The following ELOVL2 variants were observed in gnomAD, a reference collection of about 807,000 sequenced individuals.
The protein encoded by ELOVL2 is ELOVL fatty acid elongase 2.
ELOVL2 carries 38 observed loss-of-function variants against 37.7 expected under a neutral mutation model. That is an observed-to-expected ratio of 1.01 (90% CI 0.78 to 1.32). The LOEUF is 1.32. Ranked by LOEUF, ELOVL2 falls within the 40% of genes most tolerant of loss-of-function variation. The probability of loss-of-function intolerance (pLI) is 0.00; values close to 1 mark genes in which losing one functional copy is unlikely to be tolerated. For missense variants in ELOVL2, 352 were observed against 363.6 expected (o/e 0.97, Z 0.26); for synonymous variants, 115 against 122.3 (o/e 0.94, Z 0.40).
chr6:10,992,786 C>CAAAAA (rs780478493), intron 5 of ELOVL2, among the ~76,000 whole-genome samples: 3 of 90,668 alleles, frequency 3.3e-5, no homozygotes, highest in South Asian at 4.4e-4. Context: ...GACTCCATCT[C>CAAAAA]AAAAAAAACA....
intron 4 of ELOVL2, among the ~76,000 whole-genome samples, chr6:10,998,266 A>G (rs1316990529): frequency 2.0e-5 from 3 of 152,194 alleles, no homozygotes; most frequent in Admixed American, 2.0e-4. Context: ...GTATTCCTTT[A>G]TAGCAATGCA....
chr6:11,005,342 G>T, intron 3 of ELOVL2, 30 bp downstream of exon 3: 2 of 1,589,360 alleles, frequency 1.3e-6, no homozygotes, highest in South Asian at 1.1e-5. Flanking sequence ...CTAGTTACTG[G>T]ACTTCAGCTT....
Position 11,039,508 on chromosome 6 carries a change from T to C in ELOVL2, c.3+4720A>G, listed in dbSNP as rs1305250460. ...TACATGTGATGTTTTGGTACATGTA[T>C]ACAATGTAATGATCAAGTTAGGGTA... On this transcript the variant is annotated intron_variant, in intron 1 of 7. Coordinates refer to ENST00000354666, the MANE Select transcript of ELOVL2 (RefSeq NM_017770.4). 3.3e-5 allele frequency among the ~76,000 whole-genome samples: 5 copies of C among 152,230 alleles called. No individual in the cohort carries two copies. In the East Asian group the frequency reaches 9.6e-4, roughly 29 times the overall value.
At position 11,044,098 on chromosome 6, in the gene ELOVL2, G is replaced by A; in HGVS notation, c.3+130C>T. 1 of 1,197,712 alleles carries A rather than the reference G, an allele frequency of 8.3e-7. No homozygotes were observed. Among genetic ancestry groups the A allele is most frequent in the South Asian group, 2.1e-5 (1 of 47,850 alleles). The allele number at this position is 1,197,712 out of a possible 1,614,324, so 74.2% of individuals were successfully genotyped here. ...CCCGCGCGGACCCGGCCCCTCCGAGGGTAGCGGGTTCCAGCGGCGAACCCG... is the reference window on the plus strand; with the variant it reads ...CCCGCGCGGACCCGGCCCCTCCGAGAGTAGCGGGTTCCAGCGGCGAACCCG... On this transcript the variant is annotated intron_variant, in intron 1 of 7. Transcript: ENST00000354666. The surrounding 1 kb of genome is among the most constrained non-coding windows in gnomAD (Gnocchi z 5.6).
intron 3 of ELOVL2, among the ~76,000 whole-genome samples, chr6:11,005,026 G>A (rs952090288): frequency 6.6e-6 from 1 of 152,138 alleles, no homozygotes; most frequent in African/African-American, 2.4e-5. Flanking sequence ...GGGCATGGTG[G>A]GGAGTACCTG....
At chr6:11,042,727 T>C (rs762006386) in intron 1 of ELOVL2, among the ~76,000 whole-genome samples, 3 of 151,360 alleles carry the variant, frequency 2.0e-5, no homozygotes, top group African/African-American at 4.9e-5. Context: ...CTGTCGGGAG[T>C]ATCTCCCTCC....
At chr6:11,009,796 G>C (rs1433875357) in intron 2 of ELOVL2, among the ~76,000 whole-genome samples, 1 of 152,114 alleles carries the variant, frequency 6.6e-6, no homozygotes, top group East Asian at 1.9e-4. Context: ...GAGAGCAGTG[G>C]GATGACACTG....
rs559879225 is a variant in ELOVL2, at chr6:11,019,892, C to T, written c.4-9083G>A. 9.9e-5 allele frequency among the ~76,000 whole-genome samples: 15 copies of T among 151,590 alleles called. 1 individual carries two copies. In the South Asian group the frequency reaches 2.7e-3, roughly 28 times the overall value. ...CTGAGTAGCTGAGAATACAGGTGTG[C>T]ACCACCACGCCCGGCCAATTTTTGT... is the stretch of plus-strand genomic sequence containing the variant. On this transcript the variant is annotated intron_variant, in intron 1 of 7. Transcript: ENST00000354666.
At chr6:10,998,139 C>T (rs1782307127) in intron 4 of ELOVL2, among the ~76,000 whole-genome samples, 1 of 152,154 alleles carries the variant, frequency 6.6e-6, no homozygotes, top group African/African-American at 2.4e-5. Context: ...CTTCACCTTC[C>T]ACCATGATTA....
intron 3 of ELOVL2, among the ~76,000 whole-genome samples, chr6:11,003,244 C>T (rs773906499): frequency 6.6e-6 from 1 of 152,096 alleles, no homozygotes; most frequent in Non-Finnish European, 1.5e-5. Context: ...CTATCAACCC[C>T]TCATCTAGGT....
intron 3 of ELOVL2, among the ~76,000 whole-genome samples, chr6:11,003,996 T>C (rs1782435382): frequency 6.6e-6 from 1 of 151,858 alleles, no homozygotes; most frequent in Non-Finnish European, 1.5e-5. Context: ...GGCAAGACAA[T>C]TGCTTGAACC....
chr6:11,042,188 C>T (rs1783108057), intron 1 of ELOVL2, among the ~76,000 whole-genome samples: 1 of 152,080 alleles, frequency 6.6e-6, no homozygotes, highest in Non-Finnish European at 1.5e-5. Flanking sequence ...TGACGTGCGC[C>T]TGTAATCCCA....
chr6:11,033,570 A>G (rs1444714845), intron 1 of ELOVL2, among the ~76,000 whole-genome samples: 2 of 152,230 alleles, frequency 1.3e-5, no homozygotes, highest in South Asian at 2.1e-4. Context: ...TTATGTTTCA[A>G]ATCAATGAAA....
chr6:11,021,413 A>C (rs1782763918), intron 1 of ELOVL2, among the ~76,000 whole-genome samples: 1 of 152,200 alleles, frequency 6.6e-6, no homozygotes, highest in Non-Finnish European at 1.5e-5. Flanking sequence ...TGGGGCTAGA[A>C]AATCTCAAGG....
chr6:10,992,470 C>T (rs1782180019), intron 5 of ELOVL2, among the ~76,000 whole-genome samples: 2 of 152,208 alleles, frequency 1.3e-5, no homozygotes, highest in African/African-American at 4.8e-5. Context: ...GAAGTCAATG[C>T]AGTGAGAATT....
intron 1 of ELOVL2, among the ~76,000 whole-genome samples, chr6:11,022,976 TA>T (rs1218346330): frequency 1.3e-5 from 2 of 152,236 alleles, no homozygotes; most frequent in African/African-American, 2.4e-5. Flanking sequence ...TTCAAGTGAA[TA>T]AAATGAAATC....
chr6:10,982,251 T>C lies in ELOVL2; in HGVS notation c.*1530A>G, dbSNP rs1374819393. 5 of 151,918 alleles carry C rather than the reference T, an allele frequency of 3.3e-5. No homozygotes were observed. Among genetic ancestry groups the C allele is most frequent in the Admixed American group, 3.3e-4 (5 of 15,250 alleles). The allele number at this position is 151,918 out of a possible 1,614,324, so 9.4% of individuals were successfully genotyped here. ...CAGTTTACATGAAATAAAAGTACAA[T>C]TTTTTTAACAGGAGAAAGTTTAAAA... On this transcript the variant is annotated 3_prime_UTR_variant, in exon 8 of 8. Transcript: ENST00000354666.
At chr6:11,027,282 AG>A (rs1782853814) in intron 1 of ELOVL2, among the ~76,000 whole-genome samples, 1 of 152,202 alleles carries the variant, frequency 6.6e-6, no homozygotes, top group Non-Finnish European at 1.5e-5. Context: ...TGCATGGTCC[AG>A]AGTCTTTGTT....
At chr6:10,994,484 G>GAAAAGA (rs1782228400) in intron 5 of ELOVL2, among the ~76,000 whole-genome samples, 1 of 35,816 alleles carries the variant, frequency 2.8e-5, no homozygotes, top group Non-Finnish European at 4.7e-5. Flanking sequence ...AAAAAAAAAA[G>GAAAAGA]AACAAATATG....
Sources: gnomAD v4.1 joint callset for allele counts (sites outside exome capture counted in the v4.1 genomes callset) on GRCh38, gnomAD v4.1.1 for gene constraint, Gnocchi (gnomAD v3.1) non-coding constraint, MANE v1.5 for transcripts, NCBI Gene and HGNC (gene_info 2026-07-23, HGNC 2026-07-21) for gene names.